The following ANKHD1 variants were observed in gnomAD, a reference collection of about 807,000 sequenced individuals.
The protein encoded by ANKHD1 is ankyrin repeat and KH domain-containing protein 1.
A neutral mutation model predicts 230.5 loss-of-function variants in ANKHD1; 31 were observed. The ratio of observed to expected loss-of-function variants is 0.13; its 90% CI spans 0.10 to 0.18. The LOEUF is 0.18. ANKHD1 is among the 10% of genes least tolerant of loss of function. The probability of loss-of-function intolerance (pLI) is 1.00; values close to 1 mark genes in which losing one functional copy is unlikely to be tolerated. For missense variants in ANKHD1, 2,256 were observed against 3,071.3 expected, an observed-to-expected ratio of 0.73 and a Z score of 6.27; for synonymous variants, 1,074 against 1,117.6, an observed-to-expected ratio of 0.96 and a Z score of 0.78.
rs1470465560 is a variant in ANKHD1 at position 140,491,158 on chromosome 5, A to ATTTT, written c.2245+4099_2245+4100insTTTT. On this transcript the variant is annotated intron_variant, in intron 14 of 33. Transcript: ENST00000360839. ...TATACACATATATATATATATATAT[A>ATTTT]TATTTTTTTTTTTTTTTTTTTTTGA... 2.3e-3 allele frequency among the ~76,000 whole-genome samples: 194 copies of ATTTT among 83,296 alleles called. 1 individual carries two copies. Among genetic ancestry groups the ATTTT allele is most frequent in the African/African-American group, 5.7e-3 (107 of 18,914 alleles). The allele number at this position is 83,296 out of a possible 152,430, so 54.6% of individuals were successfully genotyped here. A position where few individuals can be genotyped will look rare whatever the true frequency, so the allele number is the denominator to read the frequency against.
intron 7 of ANKHD1, among the ~76,000 whole-genome samples, chr5:140,458,241 A>G (rs1581276168): frequency 6.6e-6 from 1 of 152,142 alleles, no homozygotes; most frequent in South Asian, 2.1e-4. Context: ...TGAGGGTATG[A>G]CTGTATTTGA....
Position 140,425,073 on chromosome 5 carries a change from G to T in ANKHD1, c.307-11031G>T, listed in dbSNP as rs563388983. On this transcript the variant is annotated intron_variant, in intron 1 of 33. Transcript: ENST00000360839. ...AAGATTTTTCCTTCTCCTGTTTTCA[G>T]TTAGGGACTTCAAAAGATAATAGAT... 6.6e-5 allele frequency among the ~76,000 whole-genome samples: 10 copies of T among 152,248 alleles called. No homozygotes were observed. In the South Asian group the frequency reaches 8.3e-4, roughly 13 times the overall value.
At chr5:140,489,333 T>A (rs528083476) in intron 14 of ANKHD1, among the ~76,000 whole-genome samples, 1 of 152,110 alleles carries the variant, frequency 6.6e-6, no homozygotes, top group South Asian at 2.1e-4. Flanking sequence ...TTTAAAAAAA[T>A]TTAAAAATTA....
At chr5:140,428,134 C>T (rs1420076829) in intron 1 of ANKHD1, among the ~76,000 whole-genome samples, 20 of 149,732 alleles carry the variant, frequency 1.3e-4, no homozygotes, top group Non-Finnish European at 2.8e-4. Flanking sequence ...TGGGCAGAGA[C>T]GCTCCTCACT....
intron 7 of ANKHD1, among the ~76,000 whole-genome samples, chr5:140,456,678 G>T (rs567235890): frequency 6.4e-4 from 98 of 152,260 alleles, no homozygotes; most frequent in African/African-American, 1.9e-3. Flanking sequence ...ACTAAAACTG[G>T]ATCCCTTCCT....
chr5:140,490,774 A>T (rs189271769), intron 14 of ANKHD1, among the ~76,000 whole-genome samples: 3 of 152,116 alleles, frequency 2.0e-5, no homozygotes, highest in Non-Finnish European at 4.4e-5. Flanking sequence ...GTATACCTCA[A>T]GCCCTCCTGA....
chr5:140,504,194 C>T (rs1368199252), intron 15 of ANKHD1, among the ~76,000 whole-genome samples: 1 of 152,064 alleles, frequency 6.6e-6, no homozygotes, highest in African/African-American at 2.4e-5. Flanking sequence ...GGATTACAGG[C>T]ATGTACCACC....
At chr5:140,427,250 CG>C (rs1193820776) in intron 1 of ANKHD1, among the ~76,000 whole-genome samples, 3 of 147,830 alleles carry the variant, frequency 2.0e-5, no homozygotes, top group Admixed American at 6.7e-5. Context: ...ACCTCCCAGA[CG>C]GGGTGGCTGG....
chr5:140,446,337 A>T (rs1774278441), intron 6 of ANKHD1, among the ~76,000 whole-genome samples: 1 of 152,188 alleles, frequency 6.6e-6, no homozygotes, highest in South Asian at 2.1e-4. Flanking sequence ...TGAAAACCTG[A>T]AAAACACAGA....
At chr5:140,430,195 A>G (rs1772925520) in intron 1 of ANKHD1, among the ~76,000 whole-genome samples, 1 of 152,204 alleles carries the variant, frequency 6.6e-6, no homozygotes, top group African/African-American at 2.4e-5. Flanking sequence ...TTAGTATTTC[A>G]GGAGATATAA....
intron 1 of ANKHD1, among the ~76,000 whole-genome samples, chr5:140,432,754 A>G (rs955407218): frequency 4.6e-5 from 7 of 152,106 alleles, no homozygotes; most frequent in Middle Eastern, 3.4e-3. Flanking sequence ...TGTCATCCAC[A>G]TGGAATACAG....
At chr5:140,441,949 CTT>C (rs1260343247) in intron 5 of ANKHD1, among the ~76,000 whole-genome samples, 1 of 149,126 alleles carries the variant, frequency 6.7e-6, no homozygotes, top group Non-Finnish European at 1.5e-5. Flanking sequence ...ATACAATACT[CTT>C]TAGATTATAG....
chr5:140,512,122 G>A (rs1289769688), intron 22 of ANKHD1, among the ~76,000 whole-genome samples: 1 of 151,906 alleles, frequency 6.6e-6, no homozygotes, highest in Non-Finnish European at 1.5e-5. Context: ...TGTAATCTCA[G>A]CTACTCCGGA....
intron 20 of ANKHD1, among the ~76,000 whole-genome samples, chr5:140,508,712 C>G (rs1001721418): frequency 2.6e-5 from 4 of 151,824 alleles, no homozygotes; most frequent in Non-Finnish European, 5.9e-5. Flanking sequence ...GCAGAGATCA[C>G]GCCATTGCAC....
At chr5:140,495,749 T>G (rs1164236535) in intron 14 of ANKHD1, among the ~76,000 whole-genome samples, 1 of 152,228 alleles carries the variant, frequency 6.6e-6, no homozygotes, top group Admixed American at 6.5e-5. Context: ...TTTGTTAACA[T>G]ATACTGTCAG....
chr5:140,449,940 T>A (rs1434961486), intron 7 of ANKHD1, among the ~76,000 whole-genome samples: 1 of 152,216 alleles, frequency 6.6e-6, no homozygotes, highest in African/African-American at 2.4e-5. Flanking sequence ...ACTGTTTTTT[T>A]AAAGGATAAT....
chr5:140,455,970 G>GT (rs1775151314), intron 7 of ANKHD1, among the ~76,000 whole-genome samples: 1 of 152,128 alleles, frequency 6.6e-6, no homozygotes, highest in African/African-American at 2.4e-5. Flanking sequence ...AAACCCCATC[G>GT]TCTCAGCCAA....
intron 1 of ANKHD1, among the ~76,000 whole-genome samples, chr5:140,418,339 G>T (rs1771581052): frequency 6.6e-6 from 1 of 151,748 alleles, no homozygotes; most frequent in Non-Finnish European, 1.5e-5. Context: ...GTAGAGTCAG[G>T]GTTTTGTCAT....
At chr5:140,520,542 A>G (rs1323456262) in intron 24 of ANKHD1, among the ~76,000 whole-genome samples, 107 of 152,142 alleles carry the variant, frequency 7.0e-4, no homozygotes, top group African/African-American at 2.4e-3. Flanking sequence ...ATGTCCAGCA[A>G]TGATAGACTG....
Sources: allele counts gnomAD v4.1 joint callset (sites outside exome capture counted in the v4.1 genomes callset), GRCh38; gene constraint gnomAD v4.1.1; transcripts MANE v1.5; gene names NCBI Gene and HGNC (gene_info 2026-07-23, HGNC 2026-07-21).